NMI: variants seen among roughly 807,000 people sequenced by gnomAD.
NMI encodes N-myc and STAT interactor, also known as N-myc-interactor.
NMI carries 39 observed loss-of-function variants against 34.3 expected under a neutral mutation model. That is an observed-to-expected ratio of 1.14 (90% CI 0.88 to 1.49). The LOEUF (loss-of-function observed/expected upper bound fraction) is 1.49. Ranked by LOEUF, NMI falls within the 40% of genes most tolerant of loss-of-function variation. The probability of loss-of-function intolerance (pLI) is 0.00; values close to 1 mark genes in which losing one functional copy is unlikely to be tolerated. For missense variants in NMI, 339 were observed against 358.1 expected (o/e 0.95, Z 0.43); for synonymous variants, 113 against 120.3 (o/e 0.94, Z 0.40).
intron 1 of NMI, among the ~76,000 whole-genome samples, chr2:151,284,977 A>C (rs1683469409): frequency 6.6e-6 from 1 of 152,216 alleles, no homozygotes; most frequent in Non-Finnish European, 1.5e-5. Context: ...GTTTCTAATA[A>C]TATTCTTCAA....
intron 4 of NMI, among the ~76,000 whole-genome samples, chr2:151,276,942 C>T (rs754594846): frequency 6.6e-6 from 1 of 152,186 alleles, no homozygotes; most frequent in Non-Finnish European, 1.5e-5. Context: ...AAATCACTAG[C>T]ACTCCAAAAG....
intron 6 of NMI, among the ~76,000 whole-genome samples, chr2:151,274,949 C>G (rs1289005667): frequency 6.6e-6 from 1 of 151,992 alleles, no homozygotes; most frequent in African/African-American, 2.4e-5. Context: ...GGTGCAATCA[C>G]AGGTCACTGC....
At chr2:151,287,328 T>TACAC (rs3836200) in intron 1 of NMI, among the ~76,000 whole-genome samples, 57,510 of 148,314 alleles carry the variant, frequency 0.39, 11,897 homozygotes, top group Admixed American at 0.51. Context: ...CTCACACACA[T>TACAC]ACACACACAC....
chr2:151,274,478 C>CT lies in NMI; in HGVS notation c.634+1005dup, dbSNP rs754607240. ...GAAAGGGAAGTTTGAGGAAATGTCT[C>CT]TTTTTGTTTTTTTTTGAGACGGAGT... On this transcript the variant is annotated intron_variant, in intron 6 of 7. Coordinates refer to ENST00000243346, the MANE Select transcript of NMI (RefSeq NM_004688.3). Among the ~76,000 whole-genome samples the CT allele has an allele frequency of 5.4e-3, 683 of 125,622 alleles. 19 individuals are homozygous for CT. The highest frequency in any genetic ancestry group is 0.016 in the Middle Eastern group (4 of 256). 82.4% of individuals were successfully genotyped at this position (125,622 alleles called of 152,430 possible). A position where few individuals can be genotyped will look rare whatever the true frequency, so the allele number is the denominator to read the frequency against.
chr2:151,280,957 T>C (rs1169850845), intron 3 of NMI, among the ~76,000 whole-genome samples: 2 of 152,042 alleles, frequency 1.3e-5, no homozygotes, highest in African/African-American at 2.4e-5. Flanking sequence ...ATTCTCTGCC[T>C]CAGCCTCCCA....
rs1361999651 is a variant in NMI, at chr2:151,275,771, C to A, written c.434G>T (p.Gly145Val). The change falls in exon 5 of 8, where the codon GGA (glycine) becomes GTA (valine). Residue 145 changes from glycine (G) to valine (V), a missense_variant. Gly to Val is a moderately radical substitution (Grantham distance 109, BLOSUM62 -3). Coordinates refer to ENST00000243346, the MANE Select transcript of NMI (RefSeq NM_004688.3). The stretch of plus-strand genomic sequence containing the variant: ...TCATCCTGTTACCTGGAATCTGACT[C>A]CTGAATTTAATGGAACTGGCTTGGC... Reference protein sequence around the residue: ...VTAKPVPLNSGVRFQVYVEVS... With the variant: ...VTAKPVPLNSVVRFQVYVEVS... 6.2e-7 allele frequency: 1 copy of A among 1,613,236 alleles called. No individual in the cohort carries two copies. The highest frequency in any genetic ancestry group is 1.7e-5 in the Admixed American group (1 of 59,976).
intron 3 of NMI, among the ~76,000 whole-genome samples, chr2:151,280,984 G>T (rs1683390680): frequency 6.6e-6 from 1 of 152,026 alleles, no homozygotes; most frequent in African/African-American, 2.4e-5. Flanking sequence ...TGGGATACAG[G>T]CACCCGCCAC....
rs148069305 is a variant in NMI at position 151,288,188 on chromosome 2, T to C, written c.-7+1405A>G. 3.3e-5 allele frequency among the ~76,000 whole-genome samples: 5 copies of C among 152,348 alleles called. No homozygotes were observed. In the East Asian group the frequency reaches 9.6e-4, roughly 29 times the overall value. ...GAATCTGTGATTATGTTAGTTTATA[T>C]TGCAAAGGAGAATTAAGGCTGCAGA... On this transcript the variant is annotated intron_variant, in intron 1 of 7. Transcript: ENST00000243346.
intron 3 of NMI, among the ~76,000 whole-genome samples, chr2:151,279,309 A>G (rs937408820): frequency 6.6e-6 from 1 of 152,208 alleles, no homozygotes; most frequent in African/African-American, 2.4e-5. Context: ...TCATGTGAAT[A>G]AGGACTTTTT....
intron 1 of NMI, among the ~76,000 whole-genome samples, chr2:151,288,654 A>T (rs1023112639): frequency 5.3e-5 from 8 of 152,196 alleles, no homozygotes; most frequent in African/African-American, 1.7e-4. Flanking sequence ...GCAGCGAATT[A>T]AAAAAACTGA....
At chr2:151,276,029 C>T (rs968635968) in intron 4 of NMI, among the ~76,000 whole-genome samples, 165 bp from the exon 5 acceptor site, 5 of 151,962 alleles carry the variant, frequency 3.3e-5, no homozygotes, top group Admixed American at 1.3e-4. Flanking sequence ...AATGGTCTTG[C>T]TACCAAAGTA....
chr2:151,279,714 G>C (rs999828534), intron 3 of NMI, among the ~76,000 whole-genome samples: 1 of 152,026 alleles, frequency 6.6e-6, no homozygotes, highest in Non-Finnish European at 1.5e-5. Context: ...TTGACCTCAT[G>C]ATCTGCCTGC....
intron 3 of NMI, 70 bp downstream of exon 3, chr2:151,281,878 A>G (rs1312231304): frequency 1.3e-6 from 1 of 781,718 alleles, no homozygotes; most frequent in Non-Finnish European, 2.2e-6. Context: ...AATTTTGTGT[A>G]ATTAAAATGC....
At position 151,282,861 on chromosome 2, in the gene NMI, T is replaced by G; in HGVS notation, c.81+7A>C. The G allele has an allele frequency of 7.1e-6, 10 of 1,402,110 alleles. No homozygotes were observed. Among genetic ancestry groups the G allele is most frequent in the Non-Finnish European group, 8.8e-6 (9 of 1,021,588 alleles). The allele number at this position is 1,402,110 out of a possible 1,614,324, so 86.9% of individuals were successfully genotyped here. On this transcript the variant is annotated splice_region_variant and intron_variant, in intron 2 of 7. Transcript: ENST00000243346. ...TTTTTAATAATACCCAGTAATTTCC[T>G]TTTTACCTTATTTTGTTCATCTTTT... is the stretch of plus-strand genomic sequence containing the variant.
chr2:151,289,271 AAAAAAGAG>A lies in NMI; in HGVS notation c.-7+314_-7+321del, dbSNP rs1471761247. Among the ~76,000 whole-genome samples the A allele has an allele frequency of 3.8e-4, 58 of 151,496 alleles. 1 individual carries two copies. Among genetic ancestry groups the A allele is most frequent in the African/African-American group, 1.4e-3 (56 of 41,264 alleles). Reference sequence around the variant, plus strand: ...CCGTCTCAAAAAAAAAAAAAAAAAAAAAAAAGAGAGAAAACAGCGAGGAAACACAAATA... The same window carrying A: ...CCGTCTCAAAAAAAAAAAAAAAAAAAAGAAAACAGCGAGGAAACACAAATA... On this transcript the variant is annotated intron_variant, in intron 1 of 7. Transcript: ENST00000243346.
chr2:151,278,641 A>G, intron 4 of NMI, 187 bp downstream of exon 4: 1 of 543,614 alleles, frequency 1.8e-6, no homozygotes, highest in Non-Finnish European at 3.3e-6. Flanking sequence ...ATACAAGATC[A>G]TATTCAAGGC....
At chr2:151,276,017 A>C (rs2105204705) in intron 4 of NMI, among the ~76,000 whole-genome samples, 153 bp from the exon 5 acceptor site, 1 of 152,322 alleles carries the variant, frequency 6.6e-6, no homozygotes, top group Admixed American at 6.5e-5. Context: ...ATTCCAAGTG[A>C]TAATGGTCTT....
chr2:151,287,318 C>CACACA (rs1558879034), intron 1 of NMI, among the ~76,000 whole-genome samples: 211 of 128,492 alleles, frequency 1.6e-3, no homozygotes, highest in African/African-American at 5.8e-3. Context: ...CTCTCTCTCT[C>CACACA]TCACACACAT....
Position 151,271,747 on chromosome 2 carries a change from A to G in NMI, c.635-15T>C. On this transcript the variant is annotated splice_polypyrimidine_tract_variant and intron_variant, in intron 6 of 7. Transcript: ENST00000243346. Reference sequence around the variant, plus strand: ...CTTGTCAGCCACTAAAAGCAAAACAAAAACAATACTTGTCTTTTTTATATC... The same window carrying G: ...CTTGTCAGCCACTAAAAGCAAAACAGAAACAATACTTGTCTTTTTTATATC... The G allele has an allele frequency of 8.2e-7, 1 of 1,220,530 alleles. No individual in the cohort carries two copies. The highest frequency in any genetic ancestry group is 1.2e-6 in the Non-Finnish European group (1 of 834,802). The allele number at this position is 1,220,530 out of a possible 1,614,324, so 75.6% of individuals were successfully genotyped here. A position where few individuals can be genotyped will look rare whatever the true frequency, so the allele number is the denominator to read the frequency against.
Sources: allele counts gnomAD v4.1 joint callset (sites outside exome capture counted in the v4.1 genomes callset), GRCh38; gene constraint gnomAD v4.1.1; transcripts MANE v1.5; gene names NCBI Gene and HGNC (gene_info 2026-07-23, HGNC 2026-07-21).